The following IMPACT variants were observed in gnomAD, a reference collection of about 807,000 sequenced individuals.
The protein encoded by IMPACT is impact RWD domain protein.
IMPACT carries 35 observed loss-of-function variants against 47.5 expected under a neutral mutation model. The observed-to-expected ratio is 0.74, with a 90% CI of 0.56 to 0.98. IMPACT has a LOEUF of 0.98. Ranked by LOEUF, IMPACT falls within the 50% of genes least tolerant of loss-of-function variation. The pLI, the probability that IMPACT is intolerant of heterozygous loss-of-function variation, is 0.00. For synonymous variants in IMPACT, 118 were observed against 125.6 expected (o/e 0.94, Z 0.40); for missense variants, 373 against 394.8 (o/e 0.94, Z 0.47).
At chr18:24,430,096 CAG>C (rs909840729) in intron 3 of IMPACT, among the ~76,000 whole-genome samples, 4 of 152,080 alleles carry the variant, frequency 2.6e-5, no homozygotes, top group Non-Finnish European at 5.9e-5. Flanking sequence ...ACCATTAAAA[CAG>C]GGTAATTTTG....
chr18:24,443,995 T>C (rs1303436022), intron 7 of IMPACT, among the ~76,000 whole-genome samples: 1 of 152,198 alleles, frequency 6.6e-6, no homozygotes, highest in Admixed American at 6.5e-5. Context: ...GCTACCCTAC[T>C]CTTGAAGCTC....
At chr18:24,443,593 T>C (rs1909172476) in intron 7 of IMPACT, among the ~76,000 whole-genome samples, 1 of 152,230 alleles carries the variant, frequency 6.6e-6, no homozygotes, top group African/African-American at 2.4e-5. Context: ...TAATACCTTG[T>C]CAAAAAGAAT....
Position 24,432,504 on chromosome 18 carries a change from G to C in IMPACT, c.281+2120G>C, listed in dbSNP as rs16940728. Among the ~76,000 whole-genome samples the C allele has an allele frequency of 5.4e-3, 824 of 152,118 alleles. 2 individuals are homozygous for C. The highest frequency in any genetic ancestry group is 0.018 in the African/African-American group (759 of 41,492). The stretch of plus-strand genomic sequence containing the variant: ...GGTGAGTTGTTGTGGAATCCATTCT[G>C]CTTATTCCTGCCTAGAGCAAGTATG... On this transcript the variant is annotated intron_variant, in intron 4 of 10. Coordinates refer to ENST00000284202, the MANE Select transcript of IMPACT (RefSeq NM_018439.4).
chr18:24,439,778 CT>C (rs1909053231), intron 5 of IMPACT: 1 of 152,362 alleles, frequency 6.6e-6, no homozygotes, highest in African/African-American at 2.4e-5. Context: ...TGCCACTGCA[CT>C]CCAGCTTGGG....
At chr18:24,442,799 T>C (rs1370952093) in intron 6 of IMPACT, among the ~76,000 whole-genome samples, 2 of 152,204 alleles carry the variant, frequency 1.3e-5, no homozygotes, top group African/African-American at 4.8e-5. Context: ...AACCCACTGC[T>C]TCCCCTGGGT....
rs2144327149 is a variant in IMPACT at position 24,426,702 on chromosome 18, G to C, written c.-55G>C. 8.2e-7 allele frequency: 1 copy of C among 1,218,900 alleles called. No homozygotes were observed. The highest frequency in any genetic ancestry group is 3.2e-5 in the East Asian group (1 of 31,510). 75.5% of individuals were successfully genotyped at this position (1,218,900 alleles called of 1,614,324 possible). A position where few individuals can be genotyped will look rare whatever the true frequency, so the allele number is the denominator to read the frequency against. ...TCTCGGCTCGCAGCCGCAGCGCCCCGCCCCCGCGCTCCGGACCTGGCAGGC... is the reference window on the plus strand; with the variant it reads ...TCTCGGCTCGCAGCCGCAGCGCCCCCCCCCCGCGCTCCGGACCTGGCAGGC... On this transcript the variant is annotated 5_prime_UTR_variant, in exon 1 of 11. Coordinates refer to ENST00000284202, the MANE Select transcript of IMPACT (RefSeq NM_018439.4).
intron 4 of IMPACT, among the ~76,000 whole-genome samples, chr18:24,433,049 C>T (rs1908798813): frequency 6.6e-6 from 1 of 152,092 alleles, no homozygotes; most frequent in African/African-American, 2.4e-5. Context: ...TACGAAGTGT[C>T]AGAGATTACA....
At chr18:24,443,707 C>T (rs1909175975) in intron 7 of IMPACT, among the ~76,000 whole-genome samples, 1 of 152,166 alleles carries the variant, frequency 6.6e-6, no homozygotes, top group South Asian at 2.1e-4. Flanking sequence ...GTCCTCCCTA[C>T]CTGACTTACT....
In IMPACT at chr18:24,428,870, T is replaced by C. The variant is rs748548915; in HGVS notation, c.167T>C (p.Val56Ala). 6.2e-7 allele frequency: 1 copy of C among 1,611,148 alleles called. No individual in the cohort carries two copies. Among genetic ancestry groups the C allele is most frequent in the Non-Finnish European group, 8.5e-7 (1 of 1,178,282 alleles). Residue 56 changes from valine to alanine, a missense_variant and splice_region_variant, in exon 3 of 11, where the codon GTG (valine) becomes GCG (alanine). Val to Ala is a moderately conservative substitution (Grantham distance 64). Coordinates refer to ENST00000284202, the MANE Select transcript of IMPACT (RefSeq NM_018439.4). The stretch of plus-strand genomic sequence containing the variant: ...GATGTTTTTGAACCTGCATTGTAGG[T>C]GATGCTGCCGAATGAATACCCAGGT... ...DDPKWTLCLQ[V>A]MLPNEYPGTA... is the part of the protein sequence containing the mutation.
intron 7 of IMPACT, among the ~76,000 whole-genome samples, chr18:24,444,308 T>C (rs1190154576): frequency 1.3e-5 from 2 of 152,224 alleles, no homozygotes; most frequent in African/African-American, 4.8e-5. Flanking sequence ...TTAGAGGTCA[T>C]TGTCTATTTT....
chr18:24,428,081 A>G, intron 2 of IMPACT, 34 bp downstream of exon 2: 1 of 1,548,888 alleles, frequency 6.5e-7, no homozygotes. Flanking sequence ...GCCATCTTTC[A>G]GTTACAGTAT....
In IMPACT at chr18:24,451,531, T is replaced by C. The variant is rs894267401; in HGVS notation, c.*684T>C. The C allele has an allele frequency of 3.3e-5, 5 of 152,254 alleles. No individual in the cohort carries two copies. The highest frequency in any genetic ancestry group is 1.2e-4 in the African/African-American group (5 of 41,464). 9.4% of individuals were successfully genotyped at this position (152,254 alleles called of 1,614,324 possible). ...GAAAGTGATTTTCTAGTCTGCTTTT[T>C]TTGTTTAATTCTTGTAATGTAAGCA... On this transcript the variant is annotated 3_prime_UTR_variant, in exon 11 of 11. Coordinates refer to ENST00000284202, the MANE Select transcript of IMPACT (RefSeq NM_018439.4).
intron 1 of IMPACT, 23 bp from the exon 2 acceptor site, chr18:24,427,894 CTT>C: frequency 6.3e-7 from 1 of 1,588,664 alleles, no homozygotes; most frequent in African/African-American, 1.4e-5. Context: ...CATTTGTTGA[CTT>C]TTAAAAAATC....
chr18:24,430,964 A>G (rs527570968), intron 4 of IMPACT, among the ~76,000 whole-genome samples: 1 of 152,154 alleles, frequency 6.6e-6, no homozygotes, highest in Non-Finnish European at 1.5e-5. Context: ...CTCAGAATCT[A>G]TTGATGGGCT....
rs760631242 is a variant in IMPACT at position 24,430,329 on chromosome 18, T to C, written c.226T>C (p.Trp76Arg). ...APPIYQLNAPWLKGQERADLS... is the reference protein window; with the variant it reads ...APPIYQLNAPRLKGQERADLS... ...TGTTTTATTTAATCTTAGTGCTCCT[T>C]GGCTTAAAGGGCAAGAACGTGCGGA... The change falls in exon 4 of 11, where the codon TGG becomes CGG. Residue 76 changes from tryptophan (W) to arginine (R), a missense_variant. By Grantham distance (101) the Trp-to-Arg change is moderately radical. Coordinates refer to ENST00000284202, the MANE Select transcript of IMPACT (RefSeq NM_018439.4). 6 of 1,594,758 alleles carry C rather than the reference T, an allele frequency of 3.8e-6. No individual in the cohort carries two copies. In the Admixed American group the frequency reaches 9.0e-5, roughly 24 times the overall value.
rs34462493 is a variant in IMPACT at position 24,433,665 on chromosome 18, A to ATT, written c.281+3301_281+3302dup. Among the ~76,000 whole-genome samples, 228 of 90,542 alleles carry ATT rather than the reference A, an allele frequency of 2.5e-3. 4 individuals carry two copies. Among genetic ancestry groups the ATT allele is most frequent in the Non-Finnish European group, 3.7e-3 (176 of 47,354 alleles). The allele number at this position is 90,542 out of a possible 152,430, so 59.4% of individuals were successfully genotyped here. A position where few individuals can be genotyped will look rare whatever the true frequency, so the allele number is the denominator to read the frequency against. ...ATTTTTAAAACTTTTGTGTGACAGCATTTTTTTTTTTTTTTTTTTTTCTGA... is the reference window on the plus strand; with the variant it reads ...ATTTTTAAAACTTTTGTGTGACAGCATTTTTTTTTTTTTTTTTTTTTTTCTGA... On this transcript the variant is annotated intron_variant, in intron 4 of 10. Transcript: ENST00000284202.
At position 24,428,906 on chromosome 18, in the gene IMPACT, C is replaced by G. The variant is rs1263417349; in HGVS notation, c.203C>G (p.Pro68Arg). ...AATGAATACCCAGGTACAGCTCCAC[C>G]TATCTACCAGTTGAAGTAAGCTGTA... The part of the protein sequence containing the change: ...LPNEYPGTAP[P>R]IYQLNAPWLK... The change falls in exon 3 of 11, where the codon CCT (proline) becomes CGT (arginine). Residue 68 changes from proline to arginine, a missense_variant. Coordinates refer to ENST00000284202, the MANE Select transcript of IMPACT (RefSeq NM_018439.4). 6.2e-7 allele frequency: 1 copy of G among 1,609,610 alleles called. No individual in the cohort carries two copies. The highest frequency in any genetic ancestry group is 1.7e-5 in the Admixed American group (1 of 59,512).
rs1232959369 is a variant in IMPACT, at chr18:24,428,808, A to T, written c.166-61A>T. On this transcript the variant is annotated intron_variant, in intron 2 of 10. Coordinates refer to ENST00000284202, the MANE Select transcript of IMPACT (RefSeq NM_018439.4). Reference sequence around the variant, plus strand: ...TTTTTGTCCAGTTGCTAGCTTTATAAATATGGTTACTTTTGAACCTTGATG... The same window carrying T: ...TTTTTGTCCAGTTGCTAGCTTTATATATATGGTTACTTTTGAACCTTGATG... The T allele has an allele frequency of 1.1e-5, 14 of 1,328,196 alleles. 1 individual carries two copies. Among genetic ancestry groups the T allele is most frequent in the Middle Eastern group, 3.7e-4 (2 of 5,420 alleles). 82.3% of individuals were successfully genotyped at this position (1,328,196 alleles called of 1,614,324 possible). A position where few individuals can be genotyped will look rare whatever the true frequency, so the allele number is the denominator to read the frequency against.
chr18:24,440,528 G>A lies in IMPACT; in HGVS notation c.400G>A (p.Asp134Asn). Residue 134 changes from aspartate to asparagine, a missense_variant, in exon 6 of 11, where the codon GAT becomes AAT. Transcript: ENST00000284202. Reference sequence around the variant, plus strand: ...TGTAAAGAAGAAAACTGAAGAGGAAGATGTTGAATGTGAAGATGATCTCAT... The same window carrying A: ...TGTAAAGAAGAAAACTGAAGAGGAAAATGTTGAATGTGAAGATGATCTCAT... ...PDVKKKTEEE[D>N]VECEDDLILA... The A allele has an allele frequency of 6.2e-7, 1 of 1,613,046 alleles. No homozygotes were observed. The highest frequency in any genetic ancestry group is 8.5e-7 in the Non-Finnish European group (1 of 1,179,256).
Sources: gnomAD v4.1 joint callset for allele counts (sites outside exome capture counted in the v4.1 genomes callset) on GRCh38, gnomAD v4.1.1 for gene constraint, MANE v1.5 for transcripts, NCBI Gene and HGNC (gene_info 2026-07-23, HGNC 2026-07-21) for gene names.